Variants in DCC observed in about 807,000 individuals in gnomAD.
DCC encodes DCC netrin 1 receptor.
A neutral mutation model predicts 172.5 loss-of-function variants in DCC; 58 were observed. The ratio of observed to expected loss-of-function variants is 0.34; its 90% CI spans 0.27 to 0.42. DCC has a LOEUF of 0.42. DCC is among the 10% of genes least tolerant of loss of function. DCC has a pLI of 1.00. For synonymous variants in DCC, 709 were observed against 644.5 expected (o/e 1.10, Z -1.52); for missense variants, 1,740 against 1,791.0 (o/e 0.97, Z 0.51).
chr18:52,379,497 T>G (rs1271806232), intron 1 of DCC, among the ~76,000 whole-genome samples: 1 of 152,222 alleles, frequency 6.6e-6, no homozygotes, highest in African/African-American at 2.4e-5. Flanking sequence ...TCCTCTCCAC[T>G]GCCATGCTTG....
At chr18:53,130,702 T>C (rs1341343643) in intron 7 of DCC, among the ~76,000 whole-genome samples, 1 of 152,128 alleles carries the variant, frequency 6.6e-6, no homozygotes, top group East Asian at 1.9e-4. Flanking sequence ...CTGGGATCTG[T>C]AGGGTGGGTC....
At chr18:52,595,869 A>G (rs1485292338) in intron 1 of DCC, among the ~76,000 whole-genome samples, 3 of 152,226 alleles carry the variant, frequency 2.0e-5, no homozygotes, top group Non-Finnish European at 4.4e-5. Context: ...CAGGTGGCAG[A>G]TGCCAGACCA....
intron 9 of DCC, among the ~76,000 whole-genome samples, chr18:53,189,502 TAA>T (rs1362391895): frequency 6.6e-6 from 1 of 151,976 alleles, no homozygotes; most frequent in Non-Finnish European, 1.5e-5. Flanking sequence ...TATAGAAAAT[TAA>T]AGTGTATGTC....
intron 21 of DCC, among the ~76,000 whole-genome samples, chr18:53,426,373 CTA>C (rs1348978385): frequency 4.4e-5 from 6 of 136,362 alleles, no homozygotes; most frequent in Middle Eastern, 4.5e-3. Context: ...TATATTTATA[CTA>C]TGTTATATAT....
At chr18:53,278,152 T>C (rs2056828150) in intron 12 of DCC, among the ~76,000 whole-genome samples, 1 of 152,082 alleles carries the variant, frequency 6.6e-6, no homozygotes, top group African/African-American at 2.4e-5. Flanking sequence ...TTGAACAGTA[T>C]AAATTTGGCA....
intron 1 of DCC, among the ~76,000 whole-genome samples, chr18:52,365,020 A>T (rs928152706): frequency 1.3e-5 from 2 of 149,174 alleles, no homozygotes; most frequent in African/African-American, 2.6e-5. Flanking sequence ...TGAACACAGT[A>T]CATTTTAGGA....
intron 12 of DCC, among the ~76,000 whole-genome samples, chr18:53,230,036 G>A (rs1484176117): frequency 6.6e-6 from 1 of 152,068 alleles, no homozygotes; most frequent in East Asian, 1.9e-4. Flanking sequence ...AGATGAGGCT[G>A]TATAATCTGT....
At chr18:53,156,804 A>G (rs983116845) in intron 7 of DCC, among the ~76,000 whole-genome samples, 1 of 152,226 alleles carries the variant, frequency 6.6e-6, no homozygotes, top group Non-Finnish European at 1.5e-5. Context: ...CTTCGAATAT[A>G]GATACATGTG....
chr18:53,321,988 A>G, intron 13 of DCC, 59 bp from the exon 14 acceptor site: 1 of 912,654 alleles, frequency 1.1e-6, no homozygotes, highest in Non-Finnish European at 1.9e-6. Context: ...TTGGAAACCC[A>G]GGTAGGAATA....
intron 1 of DCC, among the ~76,000 whole-genome samples, chr18:52,537,263 A>G (rs921644916): frequency 2.6e-5 from 4 of 152,212 alleles, no homozygotes; most frequent in Non-Finnish European, 5.9e-5. Context: ...TAACAAATGG[A>G]TAAAGTAATA....
chr18:52,474,423 C>G (rs1989038195), intron 1 of DCC, among the ~76,000 whole-genome samples: 1 of 152,174 alleles, frequency 6.6e-6, no homozygotes, highest in African/African-American at 2.4e-5. Flanking sequence ...CATGCTTACC[C>G]TCTGCCTTCT....
chr18:53,016,832 A>G (rs1169857034), intron 5 of DCC, among the ~76,000 whole-genome samples: 2 of 151,636 alleles, frequency 1.3e-5, no homozygotes, highest in African/African-American at 4.9e-5. Flanking sequence ...TTTACAGCTT[A>G]TCAGCAACTA....
At chr18:53,277,681 T>C (rs974796412) in intron 12 of DCC, among the ~76,000 whole-genome samples, 1 of 152,114 alleles carries the variant, frequency 6.6e-6, no homozygotes, top group African/African-American at 2.4e-5. Flanking sequence ...GCCCAAGTGA[T>C]CCTTTGATCA....
intron 7 of DCC, among the ~76,000 whole-genome samples, chr18:53,106,948 G>A (rs536381408): frequency 1.3e-5 from 2 of 151,954 alleles, no homozygotes; most frequent in East Asian, 1.9e-4. Flanking sequence ...TTTTTAAAGC[G>A]AAACTTATTC....
chr18:53,496,755 A>C (rs1447944828), intron 26 of DCC, among the ~76,000 whole-genome samples: 1 of 152,248 alleles, frequency 6.6e-6, no homozygotes, highest in South Asian at 2.1e-4. Flanking sequence ...ATGAATTGCT[A>C]TCTAGAATAA....
At chr18:52,836,742 G>A (rs2038712726) in intron 2 of DCC, among the ~76,000 whole-genome samples, 1 of 152,146 alleles carries the variant, frequency 6.6e-6, no homozygotes. Context: ...GCTCTTCCAG[G>A]TGCACAGTGC....
chr18:53,114,607 C>T (rs996550567), intron 7 of DCC, among the ~76,000 whole-genome samples: 1 of 151,428 alleles, frequency 6.6e-6, no homozygotes, highest in Non-Finnish European at 1.5e-5. Context: ...ACATACCAAG[C>T]CCATGAGCCC....
chr18:52,629,742 C>A (rs1221871), intron 1 of DCC, among the ~76,000 whole-genome samples: 146,152 of 151,994 alleles, frequency 0.96, 70,455 homozygotes, highest in East Asian at 1. Flanking sequence ...CGAGGTCAGG[C>A]GATCGAGACC....
intron 12 of DCC, among the ~76,000 whole-genome samples, chr18:53,232,125 G>A (rs1217251397): frequency 6.6e-6 from 1 of 152,106 alleles, no homozygotes; most frequent in Non-Finnish European, 1.5e-5. Flanking sequence ...CATCTCATGA[G>A]TTTAGTGACT....
Sources: gnomAD v4.1 joint callset for allele counts (sites outside exome capture counted in the v4.1 genomes callset) on GRCh38, gnomAD v4.1.1 for gene constraint, MANE v1.5 for transcripts, NCBI Gene and HGNC (gene_info 2026-07-23, HGNC 2026-07-21) for gene names.